The following PAGR1 variants were observed in gnomAD, a reference collection of about 807,000 sequenced individuals.
PAGR1 encodes PAXIP1-associated glutamate-rich protein 1.
PAGR1 carries 20 observed loss-of-function variants against 22.4 expected under a neutral mutation model. That is an observed-to-expected ratio of 0.89 (90% confidence interval 0.63 to 1.30). The LOEUF is 1.30. PAGR1 is among the 50% of genes most tolerant of loss of function. PAGR1 has a pLI of 0.00. For missense variants in PAGR1, 338 were observed against 343.6 expected (o/e 0.98, Z 0.13); for synonymous variants, 161 against 148.3 (o/e 1.09, Z -0.62).
intron 1 of PAGR1, 45 bp from the exon 2 acceptor site, chr16:29,817,165 G>T (rs972923820): frequency 6.2e-7 from 1 of 1,612,832 alleles, no homozygotes; most frequent in African/African-American, 1.3e-5. Context: ...CGTGTGGGTG[G>T]GAGGGAGGAC....
chr16:29,816,759 G>T lies in PAGR1; in HGVS notation c.234G>T (p.Glu78Asp). The change falls in exon 1 of 3, where the codon GAG (glutamate) becomes GAT (aspartate). Residue 78 changes from glutamate (E) to aspartate (D), a missense_variant. Transcript: ENST00000320330. ...AAGTCCCCAGCGCTGGGGGAGAAGA[G>T]CCTGCCGAGGAGGACTCCGAGGACT... is the stretch of plus-strand genomic sequence containing the variant. The part of the protein sequence containing the change: ...QGEVPSAGGE[E>D]PAEEDSEDWC... 6.3e-7 allele frequency: 1 copy of T among 1,590,988 alleles called. No individual in the cohort carries two copies. The highest frequency in any genetic ancestry group is 8.6e-7 in the Non-Finnish European group (1 of 1,169,406).
At position 29,819,613 on chromosome 16, in the gene PAGR1, G is replaced by A; in HGVS notation, c.624G>A (p.Met208Ile). 1 of 1,614,164 alleles carries A rather than the reference G, an allele frequency of 6.2e-7. No homozygotes were observed. The highest frequency in any genetic ancestry group is 8.5e-7 in the Non-Finnish European group (1 of 1,180,038). ...EARLDKVLSD[M>I]KRHKKLEEQI... is the part of the protein sequence containing the mutation. ...GCCTGGACAAGGTGCTGTCGGACAT[G>A]AAGAGACACAAGAAGCTGGAGGAGC... Residue 208 changes from methionine to isoleucine, a missense_variant, in exon 3 of 3, where the codon ATG (methionine) becomes ATA (isoleucine). By Grantham distance (10) the Met-to-Ile change is conservative. Coordinates refer to ENST00000320330, the MANE Select transcript of PAGR1 (RefSeq NM_024516.4).
chr16:29,817,989 T>A (rs554610228), intron 2 of PAGR1: 4 of 152,222 alleles, frequency 2.6e-5, no homozygotes, highest in South Asian at 2.1e-4. Context: ...ATTCTTTTTT[T>A]AAAAAAACAA....
At position 29,816,158 on chromosome 16, in the gene PAGR1, G is replaced by A. The variant is rs778433156; in HGVS notation, c.-368G>A. On this transcript the variant is annotated 5_prime_UTR_variant, in exon 1 of 3. Coordinates refer to ENST00000320330, the MANE Select transcript of PAGR1 (RefSeq NM_024516.4). ...GGAGGCGGGTCTTAGCTCCAGGTGC[G>A]TACGGCATCTGACTTGACGTGGCCC... The A allele has an allele frequency of 3.1e-6, 1 of 324,836 alleles. No individual in the cohort carries two copies. 20.1% of individuals were successfully genotyped at this position (324,836 alleles called of 1,614,324 possible). A position where few individuals can be genotyped will look rare whatever the true frequency, so the allele number is the denominator to read the frequency against.
In PAGR1 at chr16:29,822,353, T is replaced by G. The variant is rs1171878929; in HGVS notation, c.*2599T>G. Among the ~76,000 whole-genome samples the G allele has an allele frequency of 6.6e-6, 1 of 152,002 alleles. No homozygotes were observed. The highest frequency in any genetic ancestry group is 2.4e-5 in the African/African-American group (1 of 41,368). On this transcript the variant is annotated 3_prime_UTR_variant, in exon 3 of 3. Transcript: ENST00000320330. ...AAAAAAAGTAATTTATGAGACACAT[T>G]CTCAATTTCCATTAATCATCTCCTA...
At position 29,816,725 on chromosome 16, in the gene PAGR1, C is replaced by T; in HGVS notation, c.200C>T (p.Ala67Val). The T allele has an allele frequency of 6.2e-7, 1 of 1,607,260 alleles. No individual in the cohort carries two copies. The highest frequency in any genetic ancestry group is 8.5e-7 in the Non-Finnish European group (1 of 1,177,648). The change falls in exon 1 of 3, where the codon GCG becomes GTG. Residue 67 changes from alanine (A) to valine (V), a missense_variant. By Grantham distance (64) the Ala-to-Val change is moderately conservative. This residue lies in a region of PAGR1 where 235 missense variants were observed against 216.0 expected (regional missense o/e 1.09). Transcript: ENST00000320330. ...CGTGAGGGGTCCGGGGGCGAGGAGG[C>T]GCAGGGAGAAGTCCCCAGCGCTGGG... is the stretch of plus-strand genomic sequence containing the variant. ...TEREGSGGEE[A>V]QGEVPSAGGE...
chr16:29,819,050 C>T (rs559580443), intron 2 of PAGR1, among the ~76,000 whole-genome samples: 1 of 151,962 alleles, frequency 6.6e-6, no homozygotes, highest in Non-Finnish European at 1.5e-5. Context: ...GGCTGGAGTG[C>T]AGTAGTGCGA....
chr16:29,818,561 CAT>C (rs1489512546), intron 2 of PAGR1: 1 of 152,152 alleles, frequency 6.6e-6, no homozygotes, highest in Non-Finnish European at 1.5e-5. Flanking sequence ...AAACATAAAT[CAT>C]ATCACTTTTT....
rs2067365249 is a variant in PAGR1, at chr16:29,821,989, GC to G, written c.*2238del. ...GCCTGTAATCCCAGTACTTTGGGAG[GC>G]CCGAATGGGAGGATGGCTTGAGGCC... is the stretch of plus-strand genomic sequence containing the variant. On this transcript the variant is annotated 3_prime_UTR_variant, in exon 3 of 3. Coordinates refer to ENST00000320330, the MANE Select transcript of PAGR1 (RefSeq NM_024516.4). 6.6e-6 allele frequency among the ~76,000 whole-genome samples: 1 copy of G among 152,172 alleles called. No homozygotes were observed. The highest frequency in any genetic ancestry group is 2.1e-4 in the South Asian group (1 of 4,824).
At chr16:29,817,488 T>C (rs1900274757) in intron 2 of PAGR1, among the ~76,000 whole-genome samples, 196 bp downstream of exon 2, 1 of 149,342 alleles carries the variant, frequency 6.7e-6, no homozygotes, top group Non-Finnish European at 1.5e-5. Flanking sequence ...TTTTTTTTTT[T>C]TTGAGATGGA....
At position 29,816,415 on chromosome 16, in the gene PAGR1, G is replaced by A; in HGVS notation, c.-111G>A. ...GGTCTGGCCGCGGAGTCCCCTGCGGGAGCGTGATTGGCTGGAAACGGTCCC... is the reference window on the plus strand; with the variant it reads ...GGTCTGGCCGCGGAGTCCCCTGCGGAAGCGTGATTGGCTGGAAACGGTCCC... On this transcript the variant is annotated 5_prime_UTR_variant, in exon 1 of 3. Transcript: ENST00000320330. 1.7e-6 allele frequency: 2 copies of A among 1,155,822 alleles called. No homozygotes were observed. The highest frequency in any genetic ancestry group is 2.3e-6 in the Non-Finnish European group (2 of 888,574). The allele number at this position is 1,155,822 out of a possible 1,614,324, so 71.6% of individuals were successfully genotyped here. A position where few individuals can be genotyped will look rare whatever the true frequency, so the allele number is the denominator to read the frequency against.
intron 2 of PAGR1, among the ~76,000 whole-genome samples, chr16:29,819,207 G>A (rs937825807): frequency 5.9e-5 from 9 of 151,884 alleles, no homozygotes; most frequent in African/African-American, 1.7e-4. Context: ...GACCTCGTGA[G>A]TTGCCCACCT....
In PAGR1 at chr16:29,816,359, G is replaced by C. The variant is rs1900246391; in HGVS notation, c.-167G>C. The C allele has an allele frequency of 1.6e-6, 1 of 611,402 alleles. No homozygotes were observed. 37.9% of individuals were successfully genotyped at this position (611,402 alleles called of 1,614,324 possible). ...CGATCTCCGGGGCGGGGTCCTTGGT[G>C]GGGACTGAGCGCCCCCTCCCGGGGA... On this transcript the variant is annotated 5_prime_UTR_variant, in exon 1 of 3. Transcript: ENST00000320330.
Position 29,816,161 on chromosome 16 carries a change from C to A in PAGR1, c.-365C>A, listed in dbSNP as rs575548668. 6.1e-6 allele frequency: 2 copies of A among 329,738 alleles called. No individual in the cohort carries two copies. The highest frequency in any genetic ancestry group is 1.1e-5 in the Non-Finnish European group (2 of 182,260). 20.4% of individuals were successfully genotyped at this position (329,738 alleles called of 1,614,324 possible). ...GGCGGGTCTTAGCTCCAGGTGCGTA[C>A]GGCATCTGACTTGACGTGGCCCACA... On this transcript the variant is annotated 5_prime_UTR_variant, in exon 1 of 3. Coordinates refer to ENST00000320330, the MANE Select transcript of PAGR1 (RefSeq NM_024516.4).
In PAGR1 at chr16:29,820,715, G is replaced by A. The variant is rs984075787; in HGVS notation, c.*961G>A. Among the ~76,000 whole-genome samples, 8 of 152,122 alleles carry A rather than the reference G, an allele frequency of 5.3e-5. No individual in the cohort carries two copies. The highest frequency in any genetic ancestry group is 8.8e-5 in the Non-Finnish European group (6 of 68,028). ...TTTCCAATAGTTGGGAGTCTTCTGG[G>A]TTTTGAAGTAAAGGCAGATTAACAC... On this transcript the variant is annotated 3_prime_UTR_variant, in exon 3 of 3. Transcript: ENST00000320330.
chr16:29,817,535 A>G (rs568790419), intron 2 of PAGR1, among the ~76,000 whole-genome samples: 2 of 132,470 alleles, frequency 1.5e-5, no homozygotes, highest in East Asian at 2.2e-4. Context: ...GTGCAATGGC[A>G]CGATCTCAAC....
chr16:29,817,114 G>GA (rs1159494191), intron 1 of PAGR1, 96 bp from the exon 2 acceptor site: 1 of 1,587,376 alleles, frequency 6.3e-7, no homozygotes. Context: ...TGGAGGGAGG[G>GA]AAGCCAGCGG....
chr16:29,816,170 A>C lies in PAGR1; in HGVS notation c.-356A>C. The C allele has an allele frequency of 2.9e-6, 1 of 346,764 alleles. No homozygotes were observed. Among genetic ancestry groups the C allele is most frequent in the East Asian group, 4.3e-5 (1 of 23,114 alleles). The allele number at this position is 346,764 out of a possible 1,614,324, so 21.5% of individuals were successfully genotyped here. ...TAGCTCCAGGTGCGTACGGCATCTG[A>C]CTTGACGTGGCCCACAACTGAAAGG... On this transcript the variant is annotated 5_prime_UTR_variant, in exon 1 of 3. Transcript: ENST00000320330.
At chr16:29,817,187 T>G (rs755675108) in intron 1 of PAGR1, 23 bp from the exon 2 acceptor site, 1 of 1,613,982 alleles carries the variant, frequency 6.2e-7, no homozygotes, top group South Asian at 1.1e-5. Context: ...GCCCTCACCC[T>G]TAACTATGTT....
Sources: allele counts gnomAD v4.1 joint callset (sites outside exome capture counted in the v4.1 genomes callset), GRCh38; gene constraint gnomAD v4.1.1; regional missense constraint gnomAD v4.1.1; transcripts MANE v1.5; gene names NCBI Gene and HGNC (gene_info 2026-07-23, HGNC 2026-07-21).